The following ZC3H6 variants were observed in gnomAD, a reference collection of about 807,000 sequenced individuals.
ZC3H6 encodes the protein zinc finger CCCH domain-containing protein 6.
In ZC3H6, 40 loss-of-function variants were observed where a neutral mutation model predicts 107.7. The ratio of observed to expected loss-of-function variants is 0.37; its 90% CI spans 0.29 to 0.48. ZC3H6 has a LOEUF of 0.48. Among genes scored for constraint, ZC3H6 ranks in the 20% least tolerant of loss-of-function variants. The pLI, the probability that ZC3H6 is intolerant of heterozygous loss-of-function variation, is 0.98. For missense variants in ZC3H6, 1,267 were observed against 1,410.4 expected (o/e 0.90, Z 1.63); for synonymous variants, 493 against 487.9 (o/e 1.01, Z -0.14).
At chr2:112,288,292 T>C (rs1385533121) in intron 1 of ZC3H6, among the ~76,000 whole-genome samples, 4 of 152,190 alleles carry the variant, frequency 2.6e-5, no homozygotes, top group Non-Finnish European at 5.9e-5. Context: ...TAGAATCCCT[T>C]CTCCTTGGAT....
Position 112,303,230 on chromosome 2 carries a change from A to G in ZC3H6, c.215A>G (p.His72Arg), listed in dbSNP as rs927494864. 3 of 1,605,412 alleles carry G rather than the reference A, an allele frequency of 1.9e-6. No individual in the cohort carries two copies. Among genetic ancestry groups the G allele is most frequent in the African/African-American group, 1.3e-5 (1 of 74,412 alleles). ...TATTTGTCTTTCCCCTCCCTTCAGC[A>G]TAATTCCCCATCTAGTGATGATAGT... ...SKRRKREKHK[H>R]NSPSSDDSSD... Residue 72 changes from histidine (H) to arginine (R), a missense_variant and splice_region_variant, in exon 3 of 12, where the codon CAT (histidine) becomes CGT (arginine). Physicochemically the swap from His to Arg is conservative, Grantham distance 29. Around this residue, in one of 3 missense-constraint regions of ZC3H6, gnomAD observed 337 missense variants for 361.2 expected, o/e 0.93. Coordinates refer to ENST00000409871, the MANE Select transcript of ZC3H6 (RefSeq NM_198581.3).
In ZC3H6 at chr2:112,331,922, A is replaced by G; in HGVS notation, c.3004A>G (p.Asn1002Asp). Residue 1002 changes from asparagine (N) to aspartate (D), a missense_variant, in exon 12 of 12, where the codon AAC becomes GAC. Physicochemically the swap from Asn to Asp is conservative, Grantham distance 23. This residue lies in a region of ZC3H6 where 925 missense variants were observed against 1,025.7 expected (regional missense o/e 0.90). Coordinates refer to ENST00000409871, the MANE Select transcript of ZC3H6 (RefSeq NM_198581.3). ...GGGTGCCCCTCACTTACCCAGATCA[A>G]ACCCTGGTTCATCACAGCCCTCAGG... ...SKGAPHLPRS[N>D]PGSSQPSGAG... 1 of 1,614,000 alleles carries G rather than the reference A, an allele frequency of 6.2e-7. No homozygotes were observed.
Position 112,303,285 on chromosome 2 carries a change from A to C in ZC3H6, c.270A>C (p.Glu90Asp). The C allele has an allele frequency of 6.2e-7, 1 of 1,613,384 alleles. No individual in the cohort carries two copies. The highest frequency in any genetic ancestry group is 8.5e-7 in the Non-Finnish European group (1 of 1,179,444). Residue 90 changes from glutamate to aspartate, a missense_variant, in exon 3 of 12, where the codon GAA becomes GAC. Glu to Asp is a conservative substitution (Grantham distance 45, BLOSUM62 2). Coordinates refer to ENST00000409871, the MANE Select transcript of ZC3H6 (RefSeq NM_198581.3). ...ACTACAGCCTTGATTCAGATGTTGAACATACAGAAAGTTCCCATAAAAAAA... is the reference window on the plus strand; with the variant it reads ...ACTACAGCCTTGATTCAGATGTTGACCATACAGAAAGTTCCCATAAAAAAA... ...SSDYSLDSDV[E>D]HTESSHKKRT... is the part of the protein sequence containing the mutation.
Position 112,337,590 on chromosome 2 carries a change from G to C in ZC3H6, c.*5102G>C, listed in dbSNP as rs996163399. ...ACCCGCCTCAACCTCCAAAAGTGTT[G>C]GGGTTACAGGCGTGAGCCACCGTGC... is the stretch of plus-strand genomic sequence containing the variant. On this transcript the variant is annotated 3_prime_UTR_variant, in exon 12 of 12. Coordinates refer to ENST00000409871, the MANE Select transcript of ZC3H6 (RefSeq NM_198581.3). 2.6e-5 allele frequency: 4 copies of C among 152,236 alleles called. No homozygotes were observed. Among genetic ancestry groups the C allele is most frequent in the Admixed American group, 2.6e-4 (4 of 15,278 alleles). The allele number at this position is 152,236 out of a possible 1,614,324, so 9.4% of individuals were successfully genotyped here.
At chr2:112,326,029 C>T (rs1221217177) in intron 11 of ZC3H6, among the ~76,000 whole-genome samples, 1 of 151,696 alleles carries the variant, frequency 6.6e-6, no homozygotes, top group Non-Finnish European at 1.5e-5. Context: ...TAGCTGCAAG[C>T]TATTATATGA....
intron 5 of ZC3H6, among the ~76,000 whole-genome samples, chr2:112,314,760 A>T (rs755626009): frequency 6.6e-6 from 1 of 152,190 alleles, no homozygotes; most frequent in Non-Finnish European, 1.5e-5. Flanking sequence ...ATCTCTAAAC[A>T]TAAAAATGTT....
Position 112,299,998 on chromosome 2 carries a change from A to T in ZC3H6, c.182A>T (p.Lys61Ile). 2.0e-6 allele frequency: 3 copies of T among 1,481,120 alleles called. No homozygotes were observed. The highest frequency in any genetic ancestry group is 2.7e-6 in the Non-Finnish European group (3 of 1,119,070). The allele number at this position is 1,481,120 out of a possible 1,614,324, so 91.7% of individuals were successfully genotyped here. A position where few individuals can be genotyped will look rare whatever the true frequency, so the allele number is the denominator to read the frequency against. The change falls in exon 2 of 12, where the codon AAA becomes ATA. Residue 61 changes from lysine to isoleucine, a missense_variant. Transcript: ENST00000409871. ...CATAAGAAAGAGAGAGAGAAGAAAA[A>T]ATCCAAAAGGAGAAAACGTGAGAAA... Reference protein sequence around the residue: ...KKHKKEREKKKSKRRKREKHK... With the variant: ...KKHKKEREKKISKRRKREKHK...
intron 1 of ZC3H6, among the ~76,000 whole-genome samples, chr2:112,286,924 T>A (rs1686620693): frequency 6.6e-6 from 1 of 152,140 alleles, no homozygotes; most frequent in Admixed American, 6.6e-5. Flanking sequence ...TACTCCCCTA[T>A]GCCCCCCACT....
Position 112,332,016 on chromosome 2 carries a change from G to A in ZC3H6, c.3098G>A (p.Gly1033Asp). The A allele has an allele frequency of 1.2e-6, 2 of 1,613,980 alleles. No individual in the cohort carries two copies. Among genetic ancestry groups the A allele is most frequent in the Non-Finnish European group, 1.7e-6 (2 of 1,179,890 alleles). The change falls in exon 12 of 12, where the codon GGC (glycine) becomes GAC (aspartate). Residue 1033 changes from glycine to aspartate, a missense_variant. Gly to Asp is a moderately conservative substitution (Grantham distance 94). Coordinates refer to ENST00000409871, the MANE Select transcript of ZC3H6 (RefSeq NM_198581.3). Reference sequence around the variant, plus strand: ...GCCCCTAAACTCTCTTCCTCAGCTGGCCTTCCACTGGGAACTTCCACTTCA... The same window carrying A: ...GCCCCTAAACTCTCTTCCTCAGCTGACCTTCCACTGGGAACTTCCACTTCA... ...PYAPKLSSSA[G>D]LPLGTSTSVL... is the part of the protein sequence containing the mutation.
chr2:112,310,248 T>C (rs2104712655), intron 4 of ZC3H6, 87 bp downstream of exon 4: 1 of 1,301,316 alleles, frequency 7.7e-7, no homozygotes, highest in Non-Finnish European at 1.0e-6. Context: ...AACTTATCCC[T>C]GTTCAAGATT....
intron 1 of ZC3H6, among the ~76,000 whole-genome samples, chr2:112,292,631 C>A (rs1676143958): frequency 6.6e-6 from 1 of 152,190 alleles, no homozygotes; most frequent in Non-Finnish European, 1.5e-5. Context: ...GGTTAGTCAA[C>A]CTTCCCTCCA....
intron 11 of ZC3H6, among the ~76,000 whole-genome samples, chr2:112,328,388 G>T (rs1676951291): frequency 6.6e-6 from 1 of 152,126 alleles, no homozygotes. Context: ...TTGGTATTTT[G>T]ATTGGAACTG....
chr2:112,337,957 A>C lies in ZC3H6; in HGVS notation c.*5469A>C, dbSNP rs1402886641. ...TTTTAATTATTATTTATTTTTATTT[A>C]TTTATTTTTTGAGACGGAGTCTTGC... On this transcript the variant is annotated 3_prime_UTR_variant, in exon 12 of 12. Coordinates refer to ENST00000409871, the MANE Select transcript of ZC3H6 (RefSeq NM_198581.3). 1 of 147,302 alleles carries C rather than the reference A, an allele frequency of 6.8e-6. No homozygotes were observed. Among genetic ancestry groups the C allele is most frequent in the African/African-American group, 2.5e-5 (1 of 39,800 alleles). The allele number at this position is 147,302 out of a possible 1,614,324, so 9.1% of individuals were successfully genotyped here.
At chr2:112,313,005 T>TAAGGAGATGTTAGGA (rs1316935175) in intron 5 of ZC3H6, among the ~76,000 whole-genome samples, 6 of 152,172 alleles carry the variant, frequency 3.9e-5, no homozygotes, top group Non-Finnish European at 8.8e-5. Flanking sequence ...CTTAGTATAC[T>TAAGGAGATGTTAGGA]GTTTCAGGAG....
chr2:112,313,397 C>T (rs777575708), intron 5 of ZC3H6, among the ~76,000 whole-genome samples: 1 of 152,138 alleles, frequency 6.6e-6, no homozygotes, highest in Non-Finnish European at 1.5e-5. Context: ...TAAGCCTGCA[C>T]CTATACCCAG....
chr2:112,311,262 C>A (rs1462631579), intron 4 of ZC3H6, among the ~76,000 whole-genome samples: 2 of 152,176 alleles, frequency 1.3e-5, no homozygotes, highest in Non-Finnish European at 2.9e-5. Context: ...CCACTGTATT[C>A]CAGTCTGGGT....
rs1677069666 is a variant in ZC3H6, at chr2:112,333,140, T to C, written c.*652T>C. 1 of 152,618 alleles carries C rather than the reference T, an allele frequency of 6.6e-6. No individual in the cohort carries two copies. The highest frequency in any genetic ancestry group is 2.1e-4 in the South Asian group (1 of 4,832). 9.5% of individuals were successfully genotyped at this position (152,618 alleles called of 1,614,324 possible). ...GAGGTATATAAATAGAACATTTTGC[T>C]AAAGTGAAAAATTTCCAAGTTCTCT... On this transcript the variant is annotated 3_prime_UTR_variant, in exon 12 of 12. Transcript: ENST00000409871.
At chr2:112,316,624 C>A in intron 6 of ZC3H6, 38 bp downstream of exon 6, 1 of 1,290,688 alleles carries the variant, frequency 7.7e-7, no homozygotes, top group South Asian at 1.4e-5. Context: ...TTTTAACTTC[C>A]AAAATAATCT....
intron 11 of ZC3H6, among the ~76,000 whole-genome samples, chr2:112,328,030 C>T (rs1676944557): frequency 6.6e-6 from 1 of 152,146 alleles, no homozygotes; most frequent in African/African-American, 2.4e-5. Context: ...GGTGGGACTA[C>T]AGATGTGCGC....
Sources: allele counts gnomAD v4.1 joint callset (sites outside exome capture counted in the v4.1 genomes callset), GRCh38; gene constraint gnomAD v4.1.1; regional missense constraint gnomAD v4.1.1; transcripts MANE v1.5; gene names NCBI Gene and HGNC (gene_info 2026-07-23, HGNC 2026-07-21).